The following TJP1 variants were observed in gnomAD, a reference collection of about 807,000 sequenced individuals.
TJP1 encodes the protein tight junction protein 1, also known as tight junction protein ZO-1.
In TJP1, 43 loss-of-function variants were observed where a neutral mutation model predicts 194.2. The observed-to-expected ratio is 0.22, with a 90% CI of 0.17 to 0.29. TJP1 has a LOEUF of 0.29. TJP1 is among the 10% of genes least tolerant of loss of function. TJP1 has a pLI of 1.00. For synonymous variants in TJP1, 801 were observed against 779.0 expected (o/e 1.03, Z -0.47); for missense variants, 1,971 against 2,185.7 (o/e 0.90, Z 1.96).
At chr15:29,933,728 C>G (rs1403355) in intron 2 of TJP1, among the ~76,000 whole-genome samples, 1 of 151,700 alleles carries the variant, frequency 6.6e-6, no homozygotes, top group African/African-American at 2.4e-5. Context: ...CTTCTCTGGG[C>G]GAGAAGCCCA....
chr15:29,918,473 G>A (rs753600930), intron 2 of TJP1, among the ~76,000 whole-genome samples: 2 of 152,168 alleles, frequency 1.3e-5, no homozygotes, highest in Non-Finnish European at 2.9e-5. Context: ...AGTGACTCAC[G>A]CCTGTAATCC....
chr15:29,921,645 C>A (rs1171641188), intron 2 of TJP1, among the ~76,000 whole-genome samples: 1 of 152,176 alleles, frequency 6.6e-6, no homozygotes, highest in Non-Finnish European at 1.5e-5. Context: ...TCCACCGCTG[C>A]ATCTTCCCGG....
intron 8 of TJP1, among the ~76,000 whole-genome samples, chr15:29,754,717 A>C (rs2045531393): frequency 6.6e-6 from 1 of 152,208 alleles, no homozygotes; most frequent in Admixed American, 6.5e-5. Context: ...TATGTGCATC[A>C]TACTGGTTAC....
chr15:29,929,777 G>A (rs922370720), intron 2 of TJP1, among the ~76,000 whole-genome samples: 2 of 151,734 alleles, frequency 1.3e-5, no homozygotes, highest in East Asian at 1.9e-4. Flanking sequence ...AGATAACAGG[G>A]GCAGAAATTA....
At chr15:29,782,908 A>C (rs1237099779) in intron 2 of TJP1, among the ~76,000 whole-genome samples, 1 of 151,828 alleles carries the variant, frequency 6.6e-6, no homozygotes, top group African/African-American at 2.4e-5. Flanking sequence ...AAAAAAAAAA[A>C]AAAAACACGT....
At chr15:29,868,456 C>T (rs572749930) in intron 2 of TJP1, among the ~76,000 whole-genome samples, 7 of 152,224 alleles carry the variant, frequency 4.6e-5, no homozygotes, top group East Asian at 3.9e-4. Context: ...TGGCTCTCAG[C>T]GTTCTAGAGG....
intron 8 of TJP1, among the ~76,000 whole-genome samples, chr15:29,755,285 A>G (rs547695895): frequency 1.3e-5 from 2 of 152,180 alleles, no homozygotes; most frequent in Non-Finnish European, 2.9e-5. Flanking sequence ...ACAAGGATGC[A>G]TTTCTCAGAA....
At chr15:29,954,273 C>G (rs1012545707) in intron 2 of TJP1, among the ~76,000 whole-genome samples, 2 of 152,082 alleles carry the variant, frequency 1.3e-5, no homozygotes, top group Non-Finnish European at 2.9e-5. Flanking sequence ...CCATCTTTTT[C>G]TCTGTAAAGC....
intron 15 of TJP1, among the ~76,000 whole-genome samples, chr15:29,731,891 T>C (rs1566916618): frequency 6.6e-6 from 1 of 152,174 alleles, no homozygotes; most frequent in Non-Finnish European, 1.5e-5. Context: ...ATACTTATAC[T>C]TACTATCTTA....
intron 2 of TJP1, among the ~76,000 whole-genome samples, chr15:29,893,240 G>A (rs926374001): frequency 3.3e-5 from 5 of 152,180 alleles, no homozygotes; most frequent in African/African-American, 9.7e-5. Context: ...GATAAAACTT[G>A]AACAGTCAAG....
In TJP1 at chr15:29,737,285, C is replaced by T; in HGVS notation, c.1386G>A (p.Glu462=). 6.2e-7 allele frequency: 1 copy of T among 1,614,118 alleles called. No individual in the cohort carries two copies. The highest frequency in any genetic ancestry group is 2.2e-5 in the East Asian group (1 of 44,880). ...ATACCCTGAGAATTTGATCACCTTC[C>T]TCTAAGCCTTCCTTGGCTGCAGGGC... ...EDSPAAKEGL[E]EGDQILRVNN... is the part of the protein sequence containing the mutation. The change falls in exon 11 of 28, where the codon GAG becomes GAA. Residue 462 remains glutamate (E), a synonymous_variant. Transcript: ENST00000614355.
intron 2 of TJP1, among the ~76,000 whole-genome samples, chr15:29,878,665 A>G (rs2052804964): frequency 6.6e-6 from 1 of 152,144 alleles, no homozygotes; most frequent in Non-Finnish European, 1.5e-5. Context: ...TTAGTTTCAT[A>G]GCTCTGTATA....
chr15:29,784,578 G>T (rs907087675), intron 2 of TJP1, among the ~76,000 whole-genome samples: 5 of 152,058 alleles, frequency 3.3e-5, no homozygotes, highest in Admixed American at 6.6e-5. Flanking sequence ...GGGATTACAG[G>T]CATGAGTCAC....
intron 1 of TJP1, chr15:29,968,248 A>C (rs2056397394): frequency 3.0e-6 from 3 of 985,278 alleles, no homozygotes; most frequent in Non-Finnish European, 3.6e-6. Context: ...TTGGAAAATA[A>C]CTGAAAACGC....
chr15:29,727,614 G>A (rs994891231), intron 16 of TJP1, among the ~76,000 whole-genome samples: 1 of 152,286 alleles, frequency 6.6e-6, no homozygotes, highest in South Asian at 2.1e-4. Context: ...AAATGTTTAA[G>A]AATTTAATGT....
At position 29,718,472 on chromosome 15, in the gene TJP1, G is replaced by A; in HGVS notation, c.3670C>T (p.Pro1224Ser). The A allele has an allele frequency of 1.2e-6, 2 of 1,614,134 alleles. No individual in the cohort carries two copies. The highest frequency in any genetic ancestry group is 2.2e-5 in the South Asian group (2 of 91,074). The change falls in exon 21 of 28, where the codon CCT becomes TCT. Residue 1224 changes from proline (P) to serine (S), a missense_variant. By Grantham distance (74) the Pro-to-Ser change is moderately conservative. Around this residue, in one of 5 missense-constraint regions of TJP1, gnomAD observed 1,108 missense variants for 1,128.5 expected, o/e 0.98. Coordinates refer to ENST00000614355, the MANE Select transcript of TJP1 (RefSeq NM_001330239.4). ...TGCTGAGATGAAGGTATCAGCGGAG[G>A]GACAGCTGCAGCACCATGGAGAGGC... Reference protein sequence around the residue: ...FEPLHGAAAVPPLIPSSQHKP... With the variant: ...FEPLHGAAAVSPLIPSSQHKP...
chr15:29,772,339 T>C (rs953587151), intron 3 of TJP1, among the ~76,000 whole-genome samples, 173 bp from the exon 4 acceptor site: 1 of 152,250 alleles, frequency 6.6e-6, no homozygotes, highest in African/African-American at 2.4e-5. Context: ...CAGATTTCTC[T>C]GCAGAATGTT....
At chr15:29,799,852 G>C (rs1012693335) in intron 2 of TJP1, among the ~76,000 whole-genome samples, 6 of 152,140 alleles carry the variant, frequency 3.9e-5, no homozygotes, top group Non-Finnish European at 7.3e-5. Context: ...GATATAGCTG[G>C]TAGAAATAGT....
At chr15:29,779,110 A>G (rs906912765) in intron 2 of TJP1, among the ~76,000 whole-genome samples, 1 of 152,186 alleles carries the variant, frequency 6.6e-6, no homozygotes. Flanking sequence ...GTGGGTCACT[A>G]CAGTAACGGT....
Sources: gnomAD v4.1 joint callset for allele counts (sites outside exome capture counted in the v4.1 genomes callset) on GRCh38, gnomAD v4.1.1 for gene constraint, gnomAD v4.1.1 regional missense constraint, MANE v1.5 for transcripts, NCBI Gene and HGNC (gene_info 2026-07-23, HGNC 2026-07-21) for gene names.